SETBP1: variants seen among roughly 807,000 people sequenced by gnomAD.
The protein encoded by SETBP1 is SET-binding protein.
A neutral mutation model predicts 101.0 loss-of-function variants in SETBP1; 9 were observed. The observed-to-expected ratio is 0.09, with a 90% CI of 0.05 to 0.16. SETBP1 has a LOEUF of 0.16. Among genes scored for constraint, SETBP1 ranks in the 10% least tolerant of loss-of-function variants. The pLI is 1.00. For missense variants in SETBP1, 1,858 were observed against 2,033.8 expected, an observed-to-expected ratio of 0.91 and a Z score of 1.66; for synonymous variants, 818 against 788.5, an observed-to-expected ratio of 1.04 and a Z score of -0.63.
chr18:44,922,485 TAC>T (rs1423060691), intron 3 of SETBP1, among the ~76,000 whole-genome samples: 1 of 152,244 alleles, frequency 6.6e-6, no homozygotes, highest in Admixed American at 6.5e-5. Flanking sequence ...CCATGTGAGC[TAC>T]AGTCATTGTT....
chr18:44,728,676 A>G (rs920399724), intron 2 of SETBP1, among the ~76,000 whole-genome samples: 12 of 152,206 alleles, frequency 7.9e-5, no homozygotes, highest in African/African-American at 2.9e-4. Flanking sequence ...TCCAAATCCT[A>G]TTGGGGGCAG....
At chr18:44,958,371 A>G (rs2071538674) in intron 4 of SETBP1, among the ~76,000 whole-genome samples, 2 of 152,226 alleles carry the variant, frequency 1.3e-5, no homozygotes, top group Admixed American at 1.3e-4. Context: ...TGCGAAAGGT[A>G]GAACTCCTAG....
At chr18:44,953,896 T>C (rs2071423678) in intron 4 of SETBP1, among the ~76,000 whole-genome samples, 1 of 152,186 alleles carries the variant, frequency 6.6e-6, no homozygotes, top group Admixed American at 6.5e-5. Flanking sequence ...TTTCCATTTT[T>C]TTTCCATGGG....
intron 2 of SETBP1, among the ~76,000 whole-genome samples, chr18:44,703,581 G>A (rs1461126169): frequency 6.6e-6 from 1 of 151,764 alleles, no homozygotes; most frequent in African/African-American, 2.4e-5. Context: ...ATCTGTCCTG[G>A]TTTCAAGACT....
chr18:44,723,078 G>T (rs1477678544), intron 2 of SETBP1, among the ~76,000 whole-genome samples: 1 of 152,114 alleles, frequency 6.6e-6, no homozygotes, highest in Non-Finnish European at 1.5e-5. Flanking sequence ...TGAGCAGTAG[G>T]ATATAAATAA....
intron 2 of SETBP1, among the ~76,000 whole-genome samples, chr18:44,795,156 G>T (rs905329127): frequency 6.6e-6 from 1 of 152,116 alleles, no homozygotes; most frequent in Non-Finnish European, 1.5e-5. Context: ...CATAGTCAAT[G>T]GTCTACCAGT....
intron 3 of SETBP1, among the ~76,000 whole-genome samples, chr18:44,924,923 G>A (rs909866390): frequency 2.0e-5 from 3 of 151,786 alleles, no homozygotes; most frequent in African/African-American, 4.8e-5. Context: ...AGAGCAGGAC[G>A]GCAGTTCAGG....
intron 2 of SETBP1, among the ~76,000 whole-genome samples, chr18:44,837,405 A>T (rs1419961282): frequency 1.3e-5 from 2 of 152,236 alleles, no homozygotes; most frequent in Non-Finnish European, 2.9e-5. Flanking sequence ...ATTTATTTAA[A>T]TACCTTTATA....
intron 3 of SETBP1, among the ~76,000 whole-genome samples, chr18:44,931,625 G>A (rs1382764254): frequency 6.6e-6 from 1 of 152,178 alleles, no homozygotes; most frequent in Non-Finnish European, 1.5e-5. Flanking sequence ...GGGTGCTCCT[G>A]TATTGGGTGC....
intron 4 of SETBP1, among the ~76,000 whole-genome samples, chr18:44,963,763 A>G (rs2071661898): frequency 6.6e-6 from 1 of 151,596 alleles, no homozygotes. Context: ...GGTGGTGCAC[A>G]CCTGTAGTCC....
At chr18:44,771,647 C>T (rs549330577) in intron 2 of SETBP1, among the ~76,000 whole-genome samples, 14 of 152,234 alleles carry the variant, frequency 9.2e-5, no homozygotes, top group African/African-American at 3.1e-4. Context: ...CCATTCATCT[C>T]GGGCCTCCCT....
intron 3 of SETBP1, among the ~76,000 whole-genome samples, chr18:44,887,065 T>C (rs1345048847): frequency 1.3e-5 from 2 of 152,112 alleles, no homozygotes; most frequent in East Asian, 3.9e-4. Flanking sequence ...GAATTGGTTC[T>C]AAAATCGTGT....
intron 5 of SETBP1, among the ~76,000 whole-genome samples, chr18:45,049,352 G>C (rs974203452): frequency 6.6e-6 from 1 of 152,092 alleles, no homozygotes; most frequent in Non-Finnish European, 1.5e-5. Context: ...CAAAAGTCTA[G>C]AATAAGGCAG....
Position 44,701,546 on chromosome 18 carries a change from G to C in SETBP1, c.200G>C (p.Arg67Pro). The C allele has an allele frequency of 5.0e-6, 8 of 1,614,186 alleles. No individual in the cohort carries two copies. The highest frequency in any genetic ancestry group is 6.8e-6 in the Non-Finnish European group (8 of 1,180,030). The change falls in exon 2 of 6, where the codon CGG (arginine) becomes CCG (proline). Residue 67 changes from arginine to proline, a missense_variant. By Grantham distance (103) the Arg-to-Pro change is moderately radical. This residue lies in a region of SETBP1 where 97 missense variants were observed against 101.2 expected (regional missense o/e 0.96). Transcript: ENST00000649279. ...PEEEDELGSG[R>P]DVDSNSNADS... ...GAGGAGGATGAACTAGGCTCAGGGC[G>C]GGATGTGGATTCCAACTCCAACGCG... is the stretch of plus-strand genomic sequence containing the variant.
intron 5 of SETBP1, among the ~76,000 whole-genome samples, chr18:45,043,569 C>T (rs1018514208): frequency 6.6e-6 from 1 of 152,124 alleles, no homozygotes; most frequent in African/African-American, 2.4e-5. Context: ...TGTATCAAGG[C>T]TAATCCATTA....
At chr18:44,773,694 G>A (rs2070924579) in intron 2 of SETBP1, among the ~76,000 whole-genome samples, 1 of 151,944 alleles carries the variant, frequency 6.6e-6, no homozygotes, top group African/African-American at 2.4e-5. Context: ...CAAAAACCCA[G>A]TCCAACCACT....
chr18:44,953,181 T>G lies in SETBP1; in HGVS notation c.3841T>G (p.Phe1281Val). ...GSTRSENLDVFSEMNPSNDKW... is the reference protein window; with the variant it reads ...GSTRSENLDVVSEMNPSNDKW... The stretch of plus-strand genomic sequence containing the variant: ...CACGAGATCAGAGAACCTGGACGTG[T>G]TCAGTGAAATGAACCCTTCGAATGA... The change falls in exon 4 of 6, where the codon TTC (phenylalanine) becomes GTC (valine). Residue 1281 changes from phenylalanine (F) to valine (V), a missense_variant. Physicochemically the swap from Phe to Val is conservative, Grantham distance 50 (BLOSUM62 -1). Coordinates refer to ENST00000649279, the MANE Select transcript of SETBP1 (RefSeq NM_015559.3). 1 of 1,613,788 alleles carries G rather than the reference T, an allele frequency of 6.2e-7. No individual in the cohort carries two copies. Among genetic ancestry groups the G allele is most frequent in the Non-Finnish European group, 8.5e-7 (1 of 1,179,960 alleles).
chr18:44,715,945 C>G (rs536396045), intron 2 of SETBP1, among the ~76,000 whole-genome samples: 7 of 152,200 alleles, frequency 4.6e-5, no homozygotes, highest in Non-Finnish European at 1.0e-4. Context: ...CTTTGCCCAT[C>G]TTTGTCACTT....
chr18:44,698,939 G>T (rs2069065119), intron 1 of SETBP1, among the ~76,000 whole-genome samples: 1 of 151,590 alleles, frequency 6.6e-6, no homozygotes, highest in Admixed American at 6.6e-5. Flanking sequence ...AGAAATGATT[G>T]TTTCATTTAT....
Sources: gnomAD v4.1 joint callset for allele counts (sites outside exome capture counted in the v4.1 genomes callset) on GRCh38, gnomAD v4.1.1 for gene constraint, gnomAD v4.1.1 regional missense constraint, MANE v1.5 for transcripts, NCBI Gene and HGNC (gene_info 2026-07-23, HGNC 2026-07-21) for gene names.